P2RY1: variants seen among roughly 807,000 people sequenced by gnomAD.
P2RY1 encodes purinergic receptor P2Y1.
A neutral mutation model predicts 22.8 loss-of-function variants in P2RY1; 14 were observed. That is an observed-to-expected ratio of 0.61 (90% CI 0.41 to 0.96). The LOEUF is 0.96. Ranked by LOEUF, P2RY1 falls within the 40% of genes least tolerant of loss-of-function variation. The pLI is 0.00. For missense variants in P2RY1, 395 were observed against 470.3 expected (o/e 0.84, Z 1.48); for synonymous variants, 200 against 195.1 (o/e 1.03, Z -0.21).
rs1471193254 is a variant in P2RY1 at position 152,835,381 on chromosome 3, G to C, written c.-402G>C. 4.7e-6 allele frequency: 1 copy of C among 211,958 alleles called. No homozygotes were observed. Among genetic ancestry groups the C allele is most frequent in the Non-Finnish European group, 9.2e-6 (1 of 108,700 alleles). The allele number at this position is 211,958 out of a possible 1,614,324, so 13.1% of individuals were successfully genotyped here. A position where few individuals can be genotyped will look rare whatever the true frequency, so the allele number is the denominator to read the frequency against. ...GGAGGCTGGGGAGCAGCCTCCCCAA[G>C]CTAGAGCCCTGCAGAGCGAGTTTCC... On this transcript the variant is annotated 5_prime_UTR_variant, in exon 1 of 1. Coordinates refer to ENST00000305097, the MANE Select transcript of P2RY1 (RefSeq NM_002563.5).
Position 152,835,436 on chromosome 3 carries a change from T to C in P2RY1, c.-347T>C, listed in dbSNP as rs2108025962. 2 of 320,484 alleles carry C rather than the reference T, an allele frequency of 6.2e-6. No individual in the cohort carries two copies. Among genetic ancestry groups the C allele is most frequent in the South Asian group, 9.7e-5 (2 of 20,674 alleles). The allele number at this position is 320,484 out of a possible 1,614,324, so 19.9% of individuals were successfully genotyped here. A position where few individuals can be genotyped will look rare whatever the true frequency, so the allele number is the denominator to read the frequency against. On this transcript the variant is annotated 5_prime_UTR_variant, in exon 1 of 1. Coordinates refer to ENST00000305097, the MANE Select transcript of P2RY1 (RefSeq NM_002563.5). The stretch of plus-strand genomic sequence containing the variant: ...ACCTCGCTGCGCCTCTGGCGCGCTC[T>C]GCAGCGCGGACCCGCGGCCCCTCGG...
chr3:152,840,005 A>G lies in P2RY1; in HGVS notation c.*3101A>G, dbSNP rs1397575194. The G allele has an allele frequency of 6.6e-6, 1 of 152,206 alleles. No homozygotes were observed. The highest frequency in any genetic ancestry group is 2.4e-5 in the African/African-American group (1 of 41,468). 9.4% of individuals were successfully genotyped at this position (152,206 alleles called of 1,614,324 possible). A position where few individuals can be genotyped will look rare whatever the true frequency, so the allele number is the denominator to read the frequency against. ...TGTAATACTAGTTAGTATCTATTGA[A>G]GCTTAAACTTTGCTGGTCAGGTTGT... On this transcript the variant is annotated 3_prime_UTR_variant, in exon 1 of 1. Transcript: ENST00000305097.
In P2RY1 at chr3:152,839,400, A is replaced by C. The variant is rs1716245637; in HGVS notation, c.*2496A>C. 1 of 152,222 alleles carries C rather than the reference A, an allele frequency of 6.6e-6. No individual in the cohort carries two copies. Among genetic ancestry groups the C allele is most frequent in the Non-Finnish European group, 1.5e-5 (1 of 68,042 alleles). 9.4% of individuals were successfully genotyped at this position (152,222 alleles called of 1,614,324 possible). A position where few individuals can be genotyped will look rare whatever the true frequency, so the allele number is the denominator to read the frequency against. ...ACTGATCAGGTCATATGATGATTGAAGTATGTTTATTGTAAGGGCAGAAAT... is the reference window on the plus strand; with the variant it reads ...ACTGATCAGGTCATATGATGATTGACGTATGTTTATTGTAAGGGCAGAAAT... On this transcript the variant is annotated 3_prime_UTR_variant, in exon 1 of 1. Transcript: ENST00000305097.
rs771382074 is a variant in P2RY1 at position 152,835,868 on chromosome 3, C to T, written c.86C>T (p.Thr29Met). 4 of 1,613,502 alleles carry T rather than the reference C, an allele frequency of 2.5e-6. No individual in the cohort carries two copies. The highest frequency in any genetic ancestry group is 2.5e-6 in the Non-Finnish European group (3 of 1,180,038). The change falls in exon 1 of 1, where the codon ACG (threonine) becomes ATG (methionine). Residue 29 changes from threonine to methionine, a missense_variant. Physicochemically the swap from Thr to Met is moderately conservative, Grantham distance 81 (BLOSUM62 -1). Coordinates refer to ENST00000305097, the MANE Select transcript of P2RY1 (RefSeq NM_002563.5). ...AGPGSSWGNS[T>M]VASTAAVSSS... ...CCGGGTTCGTCCTGGGGGAACAGCA[C>T]GGTCGCCTCCACTGCCGCCGTCTCC...
rs148838375 is a variant in P2RY1, at chr3:152,836,797, A to G, written c.1015A>G (p.Thr339Ala). Residue 339 changes from threonine to alanine, a missense_variant, in exon 1 of 1, where the codon ACA (threonine) becomes GCA (alanine). Around this residue, in one of 3 missense-constraint regions of P2RY1, gnomAD observed 291 missense variants for 361.6 expected, o/e 0.80. Coordinates refer to ENST00000305097, the MANE Select transcript of P2RY1 (RefSeq NM_002563.5). The surrounding 1 kb of genome is among the most constrained non-coding windows in gnomAD (Gnocchi z 5.6). The stretch of plus-strand genomic sequence containing the variant: ...TTTCAGAAGGAGACTCTCCCGAGCC[A>G]CAAGGAAAGCTTCTAGAAGAAGTGA... ...DTFRRRLSRATRKASRRSEAN... is the reference protein window; with the variant it reads ...DTFRRRLSRAARKASRRSEAN... 5.3e-5 allele frequency: 86 copies of G among 1,614,148 alleles called. 1 individual carries two copies. The highest frequency in any genetic ancestry group is 1.9e-4 in the South Asian group (17 of 91,080).
rs954981680 is a variant in P2RY1, at chr3:152,840,097, A to G, written c.*3193A>G. The G allele has an allele frequency of 6.6e-6, 1 of 152,232 alleles. No homozygotes were observed. The highest frequency in any genetic ancestry group is 2.4e-5 in the African/African-American group (1 of 41,474). The allele number at this position is 152,232 out of a possible 1,614,324, so 9.4% of individuals were successfully genotyped here. On this transcript the variant is annotated 3_prime_UTR_variant, in exon 1 of 1. Transcript: ENST00000305097. The stretch of plus-strand genomic sequence containing the variant: ...CAGTTGTACAGACTGAAAAACTTTC[A>G]TGAAAGATCCAACATACTAATGTAA...
rs778842678 is a variant in P2RY1 at position 152,835,748 on chromosome 3, C to G, written c.-35C>G. On this transcript the variant is annotated 5_prime_UTR_variant, in exon 1 of 1. Transcript: ENST00000305097. Reference sequence around the variant, plus strand: ...CCGCTGCCCTCTCGCCGCCTCCTACCCCTCGGAGCCGCCGCCTAAGTCGAG... The same window carrying G: ...CCGCTGCCCTCTCGCCGCCTCCTACGCCTCGGAGCCGCCGCCTAAGTCGAG... 3 of 1,533,316 alleles carry G rather than the reference C, an allele frequency of 2.0e-6. No homozygotes were observed. The African/African-American group carries it at 4.1e-5, about 21-fold the overall frequency. 95.0% of individuals were successfully genotyped at this position (1,533,316 alleles called of 1,614,324 possible).
rs1716122575 is a variant in P2RY1, at chr3:152,835,452, G to C, written c.-331G>C. On this transcript the variant is annotated 5_prime_UTR_variant, in exon 1 of 1. Transcript: ENST00000305097. ...GGCGCGCTCTGCAGCGCGGACCCGC[G>C]GCCCCTCGGGAAAGCGCAGTCGGAA... 1 of 339,572 alleles carries C rather than the reference G, an allele frequency of 2.9e-6. No individual in the cohort carries two copies. The highest frequency in any genetic ancestry group is 5.0e-5 in the South Asian group (1 of 20,170). 21.0% of individuals were successfully genotyped at this position (339,572 alleles called of 1,614,324 possible).
Position 152,836,537 on chromosome 3 carries a change from C to T in P2RY1, c.755C>T (p.Ser252Phe), listed in dbSNP as rs140909048. 12 of 1,614,068 alleles carry T rather than the reference C, an allele frequency of 7.4e-6. No homozygotes were observed. Among genetic ancestry groups the T allele is most frequent in the South Asian group, 1.1e-5 (1 of 91,090 alleles). The change falls in exon 1 of 1, where the codon TCT becomes TTT. Residue 252 changes from serine (S) to phenylalanine (F), a missense_variant. Coordinates refer to ENST00000305097, the MANE Select transcript of P2RY1 (RefSeq NM_002563.5). The surrounding 1 kb of genome is among the most constrained non-coding windows in gnomAD (Gnocchi z 5.6). ...TTGATTTACAAAGATCTGGACAACT[C>T]TCCTCTGAGGAGAAAATCGATTTAC... is the stretch of plus-strand genomic sequence containing the variant. ...RALIYKDLDN[S>F]PLRRKSIYLV... is the part of the protein sequence containing the mutation.
Position 152,835,470 on chromosome 3 carries a change from A to C in P2RY1, c.-313A>C. 2.6e-6 allele frequency: 1 copy of C among 377,774 alleles called. No individual in the cohort carries two copies. The highest frequency in any genetic ancestry group is 2.2e-5 in the African/African-American group (1 of 46,484). The allele number at this position is 377,774 out of a possible 1,614,324, so 23.4% of individuals were successfully genotyped here. ...GACCCGCGGCCCCTCGGGAAAGCGC[A>C]GTCGGAAAGTTATCCGCGGCGGTTC... On this transcript the variant is annotated 5_prime_UTR_variant, in exon 1 of 1. Coordinates refer to ENST00000305097, the MANE Select transcript of P2RY1 (RefSeq NM_002563.5).
chr3:152,836,302 C>G lies in P2RY1; in HGVS notation c.520C>G (p.Leu174Val), dbSNP rs1329854609. Residue 174 changes from leucine to valine, a missense_variant, in exon 1 of 1, where the codon CTG (leucine) becomes GTG (valine). Physicochemically the swap from Leu to Val is conservative, Grantham distance 32. Transcript: ENST00000305097. The surrounding 1 kb of genome is among the most constrained non-coding windows in gnomAD (Gnocchi z 5.6). Reference sequence around the variant, plus strand: ...GAAGAATGCGATCTGTATCAGCGTGCTGGTGTGGCTCATTGTGGTGGTGGC... The same window carrying G: ...GAAGAATGCGATCTGTATCAGCGTGGTGGTGTGGCTCATTGTGGTGGTGGC... ...KKKNAICISV[L>V]VWLIVVVAIS... 1.2e-6 allele frequency: 2 copies of G among 1,614,126 alleles called. No individual in the cohort carries two copies. The highest frequency in any genetic ancestry group is 8.5e-7 in the Non-Finnish European group (1 of 1,180,026).
chr3:152,836,945 T>C lies in P2RY1; in HGVS notation c.*41T>C, dbSNP rs1365234735. The C allele has an allele frequency of 2.1e-6, 3 of 1,455,764 alleles. No individual in the cohort carries two copies. The highest frequency in any genetic ancestry group is 4.6e-5 in the East Asian group (2 of 43,786). The allele number at this position is 1,455,764 out of a possible 1,614,324, so 90.2% of individuals were successfully genotyped here. A position where few individuals can be genotyped will look rare whatever the true frequency, so the allele number is the denominator to read the frequency against. ...CAAACACCTCTCTGTTGTAATATGG[T>C]AGGATGCTTAACAGAATCAAGTACT... On this transcript the variant is annotated 3_prime_UTR_variant, in exon 1 of 1. Coordinates refer to ENST00000305097, the MANE Select transcript of P2RY1 (RefSeq NM_002563.5). The surrounding 1 kb of genome is among the most constrained non-coding windows in gnomAD (Gnocchi z 5.6).
chr3:152,840,192 CATAA>C lies in P2RY1; in HGVS notation c.*3293_*3296del, dbSNP rs1199386220. On this transcript the variant is annotated 3_prime_UTR_variant, in exon 1 of 1. Transcript: ENST00000305097. ...TATTTTACAAAATATATAATGCATA[CATAA>C]ATAAGAGTTGTATATTACAGTGCTT... The C allele has an allele frequency of 3.9e-5, 6 of 152,040 alleles. No homozygotes were observed. The highest frequency in any genetic ancestry group is 4.4e-5 in the Non-Finnish European group (3 of 68,000). 9.4% of individuals were successfully genotyped at this position (152,040 alleles called of 1,614,324 possible).
rs771571827 is a variant in P2RY1, at chr3:152,835,759, G to A, written c.-24G>A. 1.7e-5 allele frequency: 27 copies of A among 1,550,154 alleles called. No homozygotes were observed. The highest frequency in any genetic ancestry group is 2.3e-5 in the Non-Finnish European group (26 of 1,154,228). ...TCGCCGCCTCCTACCCCTCGGAGCC[G>A]CCGCCTAAGTCGAGGAGGAGAGAAT... On this transcript the variant is annotated 5_prime_UTR_variant, in exon 1 of 1. Coordinates refer to ENST00000305097, the MANE Select transcript of P2RY1 (RefSeq NM_002563.5).
chr3:152,839,984 A>G lies in P2RY1; in HGVS notation c.*3080A>G, dbSNP rs568173712. The G allele has an allele frequency of 2.0e-5, 3 of 152,328 alleles. No individual in the cohort carries two copies. In the East Asian group the frequency reaches 5.8e-4, roughly 29 times the overall value. 9.4% of individuals were successfully genotyped at this position (152,328 alleles called of 1,614,324 possible). The stretch of plus-strand genomic sequence containing the variant: ...GCTAGTGACAATGTTTAAAGATGTA[A>G]TACTAGTTAGTATCTATTGAAGCTT... On this transcript the variant is annotated 3_prime_UTR_variant, in exon 1 of 1. Coordinates refer to ENST00000305097, the MANE Select transcript of P2RY1 (RefSeq NM_002563.5).
chr3:152,841,421 A>G lies in P2RY1; in HGVS notation c.*4517A>G, dbSNP rs909674100. On this transcript the variant is annotated 3_prime_UTR_variant, in exon 1 of 1. Transcript: ENST00000305097. ...GACAGTTAAAACTGAAAAAGACTCA[A>G]TAAAACTATGAAACATGGTTTGATG... The G allele has an allele frequency of 5.9e-5, 9 of 152,142 alleles. No individual in the cohort carries two copies. The highest frequency in any genetic ancestry group is 1.0e-4 in the Non-Finnish European group (7 of 68,016). The allele number at this position is 152,142 out of a possible 1,614,324, so 9.4% of individuals were successfully genotyped here.
Position 152,835,658 on chromosome 3 carries a change from G to C in P2RY1, c.-125G>C. ...GAGCCCCTGCGCGCCCCCTCCCGCG[G>C]GGATCCAGTTCGCCTGCTCCCTTCC... On this transcript the variant is annotated 5_prime_UTR_variant, in exon 1 of 1. Transcript: ENST00000305097. 1.1e-6 allele frequency: 1 copy of C among 950,636 alleles called. No individual in the cohort carries two copies. The highest frequency in any genetic ancestry group is 1.5e-6 in the Non-Finnish European group (1 of 659,386). 58.9% of individuals were successfully genotyped at this position (950,636 alleles called of 1,614,324 possible).
rs1381787521 is a variant in P2RY1, at chr3:152,841,330, T to C, written c.*4426T>C. On this transcript the variant is annotated 3_prime_UTR_variant, in exon 1 of 1. Transcript: ENST00000305097. ...GTGTGTAAGGCATGGCAGCCAACTT[T>C]GTATCTGCTATTTTTAGTACGAGCA... 1.3e-5 allele frequency: 2 copies of C among 152,016 alleles called. No individual in the cohort carries two copies. Among genetic ancestry groups the C allele is most frequent in the East Asian group, 3.8e-4 (2 of 5,200 alleles). The allele number at this position is 152,016 out of a possible 1,614,324, so 9.4% of individuals were successfully genotyped here.
Position 152,836,472 on chromosome 3 carries a change from G to C in P2RY1, c.690G>C (p.Leu230Phe). Residue 230 changes from leucine to phenylalanine, a missense_variant, in exon 1 of 1, where the codon TTG (leucine) becomes TTC (phenylalanine). Leu to Phe is a conservative substitution (Grantham distance 22). Coordinates refer to ENST00000305097, the MANE Select transcript of P2RY1 (RefSeq NM_002563.5). The surrounding 1 kb of genome is among the most constrained non-coding windows in gnomAD (Gnocchi z 5.6). Reference protein sequence around the residue: ...CTTVAMFCVPLVLILGCYGLI... With the variant: ...CTTVAMFCVPFVLILGCYGLI... ...CCGTGGCCATGTTCTGTGTCCCCTT[G>C]GTGCTGATTCTGGGCTGTTACGGAT... 6.2e-7 allele frequency: 1 copy of C among 1,614,074 alleles called. No individual in the cohort carries two copies. The highest frequency in any genetic ancestry group is 1.1e-5 in the South Asian group (1 of 91,068).
Sources: gnomAD v4.1 joint callset for allele counts on GRCh38, gnomAD v4.1.1 for gene constraint, gnomAD v4.1.1 regional missense constraint, Gnocchi (gnomAD v3.1) non-coding constraint, MANE v1.5 for transcripts, NCBI Gene and HGNC (gene_info 2026-07-23, HGNC 2026-07-21) for gene names.